The following NFIX variants were observed in gnomAD, a reference collection of about 807,000 sequenced individuals.
NFIX encodes nuclear factor I X.
In NFIX, 2 loss-of-function variants were observed where a neutral mutation model predicts 53.3. That is an observed-to-expected ratio of 0.04 (90% CI 0.02 to 0.12). The LOEUF (loss-of-function observed/expected upper bound fraction) is 0.12, where lower values mean the gene tolerates loss of function less well. Ranked by LOEUF, NFIX falls within the 10% of genes least tolerant of loss-of-function variation. The pLI is 1.00. For synonymous variants in NFIX, 244 were observed against 289.0 expected, an observed-to-expected ratio of 0.84 and a Z score of 1.58; for missense variants, 310 against 674.5, an observed-to-expected ratio of 0.46 and a Z score of 5.99.
In NFIX at chr19:13,022,767, TA is replaced by T. The variant is rs1352158605; in HGVS notation, c.28-2245del. On this transcript the variant is annotated intron_variant, in intron 1 of 10. Transcript: ENST00000592199. This position sits in a 1 kb window ranked among gnomAD's most constrained non-coding sequence, Gnocchi z 4.5. Reference sequence around the variant, plus strand: ...CCTTTATTTATTTATTTTTCAGGCTTAAAAAAAAATTTCGAGTCTTCCACAA... The same window carrying T: ...CCTTTATTTATTTATTTTTCAGGCTTAAAAAAAATTTCGAGTCTTCCACAA... Among the ~76,000 whole-genome samples the T allele has an allele frequency of 6.6e-6, 1 of 151,432 alleles. No individual in the cohort carries two copies. The highest frequency in any genetic ancestry group is 2.1e-4 in the South Asian group (1 of 4,792).
chr19:13,072,958 C>CT lies in NFIX; in HGVS notation c.560-87dup. On this transcript the variant is annotated intron_variant, in intron 2 of 10. Coordinates refer to ENST00000592199, the MANE Select transcript of NFIX (RefSeq NM_001365902.3). This position sits in a 1 kb window ranked among gnomAD's most constrained non-coding sequence, Gnocchi z 4.0. Reference sequence around the variant, plus strand: ...GTAGCCAGGGTGGGCCGTCCCTGCTCTTGCACCAGGCTGGAGGGGCCAATG... The same window carrying CT: ...GTAGCCAGGGTGGGCCGTCCCTGCTCTTTGCACCAGGCTGGAGGGGCCAATG... 7.6e-7 allele frequency: 1 copy of CT among 1,315,234 alleles called. No homozygotes were observed. Among genetic ancestry groups the CT allele is most frequent in the Non-Finnish European group, 1.1e-6 (1 of 907,892 alleles). The allele number at this position is 1,315,234 out of a possible 1,614,324, so 81.5% of individuals were successfully genotyped here. A position where few individuals can be genotyped will look rare whatever the true frequency, so the allele number is the denominator to read the frequency against.
chr19:13,091,417 A>AG (rs1460761310), intron 10 of NFIX, among the ~76,000 whole-genome samples: 35 of 150,004 alleles, frequency 2.3e-4, no homozygotes, highest in African/African-American at 8.5e-4. Context: ...AAAAAAAAAA[A>AG]AAAGCCAAAA....
intron 1 of NFIX, among the ~76,000 whole-genome samples, chr19:13,007,731 C>T (rs1166541207): frequency 6.6e-6 from 1 of 151,900 alleles, no homozygotes; most frequent in Non-Finnish European, 1.5e-5. Flanking sequence ...CCGCTGCCCG[C>T]GCCTCTCTCG....
At position 13,027,279 on chromosome 19, in the gene NFIX, C is replaced by T. The variant is rs1319850919; in HGVS notation, c.559+1727C>T. Among the ~76,000 whole-genome samples the T allele has an allele frequency of 6.6e-6, 1 of 152,134 alleles. No homozygotes were observed. The highest frequency in any genetic ancestry group is 2.4e-5 in the African/African-American group (1 of 41,426). On this transcript the variant is annotated intron_variant, in intron 2 of 10. Coordinates refer to ENST00000592199, the MANE Select transcript of NFIX (RefSeq NM_001365902.3). The surrounding 1 kb of genome is among the most constrained non-coding windows in gnomAD (Gnocchi z 4.3). ...GCAGAAGGGCCAGGTGCCAGTCATT[C>T]CCCCTCCCTTCAGCTTGAATTTTTT...
rs1290636045 is a variant in NFIX, at chr19:13,089,735, G to A, written c.1403-564G>A. Among the ~76,000 whole-genome samples, 4 of 152,214 alleles carry A rather than the reference G, an allele frequency of 2.6e-5. No individual in the cohort carries two copies. Among genetic ancestry groups the A allele is most frequent in the Non-Finnish European group, 5.9e-5 (4 of 68,012 alleles). On this transcript the variant is annotated intron_variant, in intron 9 of 10. Transcript: ENST00000592199. This position sits in a 1 kb window ranked among gnomAD's most constrained non-coding sequence, Gnocchi z 4.8. Reference sequence around the variant, plus strand: ...CTTGGGCCTGCCCAGAGTGGTAAGAGGTGTAGCATCTAGCTAGGCCACCCA... The same window carrying A: ...CTTGGGCCTGCCCAGAGTGGTAAGAAGTGTAGCATCTAGCTAGGCCACCCA...
intron 2 of NFIX, among the ~76,000 whole-genome samples, chr19:13,047,022 A>C (rs2015034100): frequency 6.6e-6 from 1 of 152,198 alleles, no homozygotes; most frequent in Admixed American, 6.5e-5. Flanking sequence ...TAAGGCTGCC[A>C]GATCTGGAAC....
intron 2 of NFIX, among the ~76,000 whole-genome samples, chr19:13,047,046 C>T (rs1297461887): frequency 6.6e-6 from 1 of 152,098 alleles, no homozygotes; most frequent in Admixed American, 6.5e-5. Context: ...ACCTTGAAGT[C>T]TAGTTATCCA....
intron 2 of NFIX, among the ~76,000 whole-genome samples, chr19:13,055,410 G>A (rs916187134): frequency 6.6e-6 from 1 of 152,162 alleles, no homozygotes; most frequent in Non-Finnish European, 1.5e-5. Context: ...CGGGGGCCCC[G>A]CCAGGGAGGG....
intron 2 of NFIX, among the ~76,000 whole-genome samples, chr19:13,026,744 CTGTGTGTG>C (rs201026735): frequency 2.7e-5 from 4 of 149,904 alleles, no homozygotes; most frequent in Non-Finnish European, 5.9e-5. Context: ...CTCTCTCTCT[CTGTGTGTG>C]TGTGTGTGTG....
At chr19:13,032,789 T>G (rs2145225202) in intron 2 of NFIX, among the ~76,000 whole-genome samples, 1 of 152,126 alleles carries the variant, frequency 6.6e-6, no homozygotes, top group Admixed American at 6.5e-5. Flanking sequence ...CAAAAAGAAA[T>G]GGAAGGCCAT....
At chr19:13,074,436 G>C (rs1221709626) in intron 5 of NFIX, among the ~76,000 whole-genome samples, 2 of 152,196 alleles carry the variant, frequency 1.3e-5, no homozygotes, top group African/African-American at 4.8e-5. Context: ...GGGCTTTGGA[G>C]GCCAGAAGAA....
At chr19:13,016,024 G>A (rs180944896) in intron 1 of NFIX, among the ~76,000 whole-genome samples, 8 of 152,220 alleles carry the variant, frequency 5.3e-5, no homozygotes, top group Admixed American at 6.5e-5. Context: ...CTTGTTCAGC[G>A]GTGCTGAAAA....
At position 12,996,268 on chromosome 19, in the gene NFIX, G is replaced by C. The variant is rs2011464424; in HGVS notation, c.27+404G>C. Among the ~76,000 whole-genome samples, 4 of 152,026 alleles carry C rather than the reference G, an allele frequency of 2.6e-5. No homozygotes were observed. The South Asian group carries it at 8.3e-4, about 32-fold the overall frequency. Reference sequence around the variant, plus strand: ...CAGCGTGGTCGCTGGCAGTGTTTGCGGGGTTGACAGAGTGGCAAGAGGGTG... The same window carrying C: ...CAGCGTGGTCGCTGGCAGTGTTTGCCGGGTTGACAGAGTGGCAAGAGGGTG... On this transcript the variant is annotated intron_variant, in intron 1 of 10. Coordinates refer to ENST00000592199, the MANE Select transcript of NFIX (RefSeq NM_001365902.3). The surrounding 1 kb of genome is among the most constrained non-coding windows in gnomAD (Gnocchi z 5.2).
At position 13,007,395 on chromosome 19, in the gene NFIX, C is replaced by A. The variant is rs151188035; in HGVS notation, c.27+11531C>A. ...GCTCCATCCACCCCTTCATTTGCCT[C>A]AAGCTTGCAGAGCAGGACTGCAGCA... On this transcript the variant is annotated intron_variant, in intron 1 of 10. Coordinates refer to ENST00000592199, the MANE Select transcript of NFIX (RefSeq NM_001365902.3). Among the ~76,000 whole-genome samples the A allele has an allele frequency of 5.2e-3, 798 of 152,318 alleles. 6 individuals are homozygous for A. Among genetic ancestry groups the A allele is most frequent in the African/African-American group, 0.017 (723 of 41,574 alleles).
rs2012462340 is a variant in NFIX at position 13,013,108 on chromosome 19, C to G, written c.28-11913C>G. Among the ~76,000 whole-genome samples the G allele has an allele frequency of 2.0e-5, 3 of 152,068 alleles. No individual in the cohort carries two copies. Among genetic ancestry groups the G allele is most frequent in the Admixed American group, 2.0e-4 (3 of 15,270 alleles). ...AACCCAAAACCTCCCCTCCAAGTCC[C>G]TTTCGATCTACGCCACCTTCCCTCT... On this transcript the variant is annotated intron_variant, in intron 1 of 10. Coordinates refer to ENST00000592199, the MANE Select transcript of NFIX (RefSeq NM_001365902.3). The surrounding 1 kb of genome is among the most constrained non-coding windows in gnomAD (Gnocchi z 5.9).
Position 12,996,830 on chromosome 19 carries a change from C to T in NFIX, c.27+966C>T, listed in dbSNP as rs561799681. Among the ~76,000 whole-genome samples the T allele has an allele frequency of 1.3e-5, 2 of 152,388 alleles. No individual in the cohort carries two copies. The highest frequency in any genetic ancestry group is 2.9e-5 in the Non-Finnish European group (2 of 68,030). ...CGCGTCCCGCCTGCAGCGAAGTTCC[C>T]TGCGCGGCGCACGGCTGCGGCAAAA... is the stretch of plus-strand genomic sequence containing the variant. On this transcript the variant is annotated intron_variant, in intron 1 of 10. Transcript: ENST00000592199. The surrounding 1 kb of genome is among the most constrained non-coding windows in gnomAD (Gnocchi z 5.2).
chr19:13,065,874 T>C (rs1304688693), intron 2 of NFIX, among the ~76,000 whole-genome samples: 4 of 152,090 alleles, frequency 2.6e-5, no homozygotes, highest in Middle Eastern at 3.2e-3. Context: ...CCGGGGCCAC[T>C]TGCTGGGGAT....
intron 2 of NFIX, among the ~76,000 whole-genome samples, chr19:13,030,815 G>C (rs938429131): frequency 6.6e-6 from 1 of 152,214 alleles, no homozygotes; most frequent in South Asian, 2.1e-4. Flanking sequence ...GCTACATACT[G>C]TGCAGGGCTC....
rs541512636 is a variant in NFIX at position 13,001,040 on chromosome 19, G to A, written c.27+5176G>A. On this transcript the variant is annotated intron_variant, in intron 1 of 10. Coordinates refer to ENST00000592199, the MANE Select transcript of NFIX (RefSeq NM_001365902.3). The surrounding 1 kb of genome is among the most constrained non-coding windows in gnomAD (Gnocchi z 6.5). Reference sequence around the variant, plus strand: ...TGGACCAGAGAGGTAGGGGAGGCTGGGCACTTTCTCCAACACGGTGCTGAG... The same window carrying A: ...TGGACCAGAGAGGTAGGGGAGGCTGAGCACTTTCTCCAACACGGTGCTGAG... 6.6e-6 allele frequency among the ~76,000 whole-genome samples: 1 copy of A among 152,272 alleles called. No individual in the cohort carries two copies. The highest frequency in any genetic ancestry group is 6.5e-5 in the Admixed American group (1 of 15,304).
Sources: allele counts gnomAD v4.1 joint callset (sites outside exome capture counted in the v4.1 genomes callset), GRCh38; gene constraint gnomAD v4.1.1; non-coding constraint Gnocchi (gnomAD v3.1); transcripts MANE v1.5; gene names NCBI Gene and HGNC (gene_info 2026-07-23, HGNC 2026-07-21).